Variants in LARP4B observed in about 807,000 individuals in gnomAD.
The protein encoded by LARP4B is La ribonucleoprotein 4B, also known as la-related protein 4B.
LARP4B carries 12 observed loss-of-function variants against 89.8 expected under a neutral mutation model. That is an observed-to-expected ratio of 0.13 (90% CI 0.09 to 0.22). The LOEUF (loss-of-function observed/expected upper bound fraction) is 0.22. Ranked by LOEUF, LARP4B falls within the 10% of genes least tolerant of loss-of-function variation. LARP4B has a pLI of 1.00. For synonymous variants in LARP4B, 367 were observed against 363.3 expected, an observed-to-expected ratio of 1.01 and a Z score of -0.12; for missense variants, 757 against 947.7, an observed-to-expected ratio of 0.80 and a Z score of 2.64.
the LARP4B span, among the ~76,000 whole-genome samples, chr10:978,454 TTTTG>T: frequency 1.3e-5 from 2 of 152,220 alleles, no homozygotes; most frequent in South Asian, 4.1e-4. Context: ...TTTTCCATTT[TTTTG>T]TTTCTTTTCA....
chr10:974,682 C>T, the LARP4B span, among the ~76,000 whole-genome samples: 1 of 152,230 alleles, frequency 6.6e-6, no homozygotes, highest in Non-Finnish European at 1.5e-5. Flanking sequence ...CTCCCTCGCC[C>T]ATTAGGCCAG....
At chr10:942,485 A>C in the LARP4B span, 1 of 152,366 alleles carries the variant, frequency 6.6e-6, no homozygotes, top group South Asian at 2.1e-4. Context: ...CACAGACTCA[A>C]GCCCAAAGAT....
At chr10:983,944 T>C in the LARP4B span, among the ~76,000 whole-genome samples, 1 of 152,204 alleles carries the variant, frequency 6.6e-6, no homozygotes, top group Non-Finnish European at 1.5e-5. Context: ...TTAAAAATAA[T>C]AGCAGGAAAG....
chr10:860,127 T>TGGGGGGG (rs60607691), intron 5 of LARP4B, among the ~76,000 whole-genome samples: 28 of 96,166 alleles, frequency 2.9e-4, no homozygotes, highest in South Asian at 4.1e-4. Flanking sequence ...TGTGTGGGGG[T>TGGGGGGG]GGGGGGGAGG....
intron 5 of LARP4B, among the ~76,000 whole-genome samples, chr10:859,276 C>CA (rs56896752): frequency 0.9 from 126,970 of 141,494 alleles, 57,009 homozygotes; most frequent in East Asian, 0.98. Flanking sequence ...TATTCCATTT[C>CA]AAAAAAAAAA....
At chr10:824,198 C>T (rs1832499913) in intron 13 of LARP4B, among the ~76,000 whole-genome samples, 1 of 152,148 alleles carries the variant, frequency 6.6e-6, no homozygotes, top group Admixed American at 6.5e-5. Flanking sequence ...GATCAACTGG[C>T]CTTATCAACA....
chr10:967,009 G>T, the LARP4B span, among the ~76,000 whole-genome samples: 1 of 152,224 alleles, frequency 6.6e-6, no homozygotes, highest in South Asian at 2.1e-4. Context: ...TCCTTTGAGG[G>T]ATCTCATTCA....
At chr10:925,814 G>A (rs570335726) in intron 1 of LARP4B, among the ~76,000 whole-genome samples, 5 of 152,218 alleles carry the variant, frequency 3.3e-5, no homozygotes, top group Non-Finnish European at 5.9e-5. Flanking sequence ...GATTACAGGC[G>A]TGAATCAAAG....
rs755084274 is a variant in LARP4B, at chr10:863,728, A to G, written c.430+15T>C. The G allele has an allele frequency of 1.4e-5, 22 of 1,588,378 alleles. No homozygotes were observed. In the South Asian group the frequency reaches 2.3e-4, roughly 17 times the overall value. On this transcript the variant is annotated intron_variant, in intron 5 of 17. Transcript: ENST00000316157. ...CCATATTCCCTGGGAAAATGCACCC[A>G]TAAGATATGTTTACCTGTCTCGCTA...
chr10:933,210 G>C (rs1194918005), upstream of LARP4B: 2 of 152,148 alleles, frequency 1.3e-5, no homozygotes, highest in African/African-American at 4.8e-5. Flanking sequence ...CCAAATTTTA[G>C]GTTTGTTCCC....
At position 824,942 on chromosome 10, in the gene LARP4B, T is replaced by C. The variant is rs1832544463; in HGVS notation, c.1484+123A>G. 4.9e-6 allele frequency: 5 copies of C among 1,012,432 alleles called. No individual in the cohort carries two copies. In the South Asian group the frequency reaches 8.2e-5, roughly 17 times the overall value. 62.7% of individuals were successfully genotyped at this position (1,012,432 alleles called of 1,614,324 possible). On this transcript the variant is annotated intron_variant, in intron 13 of 17. Coordinates refer to ENST00000316157, the MANE Select transcript of LARP4B (RefSeq NM_015155.3). ...TCTTAGCAATTATATAAAACCCTTA[T>C]GTTTATAGCCTTCAGTTAGATTTTC...
upstream of LARP4B, among the ~76,000 whole-genome samples, chr10:935,291 C>T (rs961831161): frequency 5.3e-5 from 8 of 152,210 alleles, no homozygotes; most frequent in South Asian, 2.1e-4. Context: ...CCAGACGCTG[C>T]GCTGCTCTGG....
intron 1 of LARP4B, among the ~76,000 whole-genome samples, chr10:915,067 T>C (rs1326556221): frequency 6.6e-6 from 1 of 152,190 alleles, no homozygotes; most frequent in Non-Finnish European, 1.5e-5. Context: ...ACTGGTCTGC[T>C]CTTTAAGAAA....
chr10:912,461 A>C (rs1018192435), intron 1 of LARP4B, among the ~76,000 whole-genome samples: 2 of 152,146 alleles, frequency 1.3e-5, no homozygotes, highest in African/African-American at 4.8e-5. Flanking sequence ...TTCAAATTTA[A>C]GTATTAGGCC....
intron 11 of LARP4B, among the ~76,000 whole-genome samples, chr10:829,016 C>G (rs114097926): frequency 2.0e-3 from 312 of 152,314 alleles, no homozygotes; most frequent in African/African-American, 7.2e-3. Flanking sequence ...AAACAGCAGG[C>G]CTTCTCCTTG....
At chr10:870,640 C>A (rs1346238231) in intron 3 of LARP4B, among the ~76,000 whole-genome samples, 2 of 152,194 alleles carry the variant, frequency 1.3e-5, no homozygotes, top group African/African-American at 2.4e-5. Flanking sequence ...CACGTTCACT[C>A]GTCCCACATG....
chr10:921,543 A>G (rs1382638872), intron 1 of LARP4B, among the ~76,000 whole-genome samples: 6 of 152,146 alleles, frequency 3.9e-5, no homozygotes, highest in South Asian at 2.1e-4. Context: ...TGACCAACAC[A>G]CTTCCAAAAT....
the LARP4B span, among the ~76,000 whole-genome samples, chr10:984,911 G>A: frequency 3.9e-5 from 6 of 152,152 alleles, no homozygotes; most frequent in Admixed American, 2.0e-4. Context: ...CAGCCTAGGC[G>A]ACAGAGTGAG....
intron 5 of LARP4B, among the ~76,000 whole-genome samples, chr10:857,000 T>G (rs1834338451): frequency 6.6e-6 from 1 of 151,982 alleles, no homozygotes; most frequent in African/African-American, 2.4e-5. Flanking sequence ...ACTACAGACT[T>G]GAGACTCCCA....
Sources: gnomAD v4.1 joint callset for allele counts (sites outside exome capture counted in the v4.1 genomes callset) on GRCh38, gnomAD v4.1.1 for gene constraint, MANE v1.5 for transcripts, NCBI Gene and HGNC (gene_info 2026-07-23, HGNC 2026-07-21) for gene names.